CLIP1: variants seen among roughly 807,000 people sequenced by gnomAD.
CLIP1 encodes CAP-Gly domain containing linker protein 1.
A neutral mutation model predicts 161.6 loss-of-function variants in CLIP1; 66 were observed. The observed-to-expected ratio is 0.41, with a 90% CI of 0.33 to 0.50. CLIP1 has a LOEUF of 0.50. Ranked by LOEUF, CLIP1 falls within the 20% of genes least tolerant of loss-of-function variation. The probability of loss-of-function intolerance (pLI) is 0.27; values close to 1 mark genes in which losing one functional copy is unlikely to be tolerated. For synonymous variants in CLIP1, 598 were observed against 626.2 expected, an observed-to-expected ratio of 0.96 and a Z score of 0.67; for missense variants, 1,376 against 1,702.0, an observed-to-expected ratio of 0.81 and a Z score of 3.37.
At position 122,336,625 on chromosome 12, in the gene CLIP1, T is replaced by C. The variant is rs774294744; in HGVS notation, c.2568+7A>G. 1.0e-5 allele frequency: 15 copies of C among 1,436,876 alleles called. No individual in the cohort carries two copies. The South Asian group carries it at 1.7e-4, about 17-fold the overall frequency. 89.0% of individuals were successfully genotyped at this position (1,436,876 alleles called of 1,614,324 possible). A position where few individuals can be genotyped will look rare whatever the true frequency, so the allele number is the denominator to read the frequency against. On this transcript the variant is annotated splice_region_variant and intron_variant, in intron 12 of 25. Transcript: ENST00000620786. ...CCCTGAGATTCAGATTCCCAACAGG[T>C]ACTTACCAAAATCTGAAGTTCTTTT...
In CLIP1 at chr12:122,333,933, G is replaced by C. The variant is rs139689179; in HGVS notation, c.2710+94C>G. 3.7e-3 allele frequency: 2,822 copies of C among 756,520 alleles called. 18 individuals are homozygous for C. The highest frequency in any genetic ancestry group is 5.7e-3 in the Non-Finnish European group (2,474 of 431,464). 46.9% of individuals were successfully genotyped at this position (756,520 alleles called of 1,614,324 possible). On this transcript the variant is annotated intron_variant, in intron 14 of 25. Coordinates refer to ENST00000620786, the MANE Select transcript of CLIP1 (RefSeq NM_001247997.2). Reference sequence around the variant, plus strand: ...CATGATGAGTGAAGAGGCTATGCCTGAATAGTACATTTGTTATGTAACATA... The same window carrying C: ...CATGATGAGTGAAGAGGCTATGCCTCAATAGTACATTTGTTATGTAACATA...
In CLIP1 at chr12:122,339,482, C is replaced by A. The variant is rs1009907413; in HGVS notation, c.2451+1271G>T. On this transcript the variant is annotated intron_variant, in intron 11 of 25. Transcript: ENST00000620786. The stretch of plus-strand genomic sequence containing the variant: ...CCTCCTGAGTAGCTGGGACTACAGA[C>A]GCACACCACCACACCTGGCTAATTT... Among the ~76,000 whole-genome samples, 3 of 152,104 alleles carry A rather than the reference C, an allele frequency of 2.0e-5. No individual in the cohort carries two copies. The East Asian group carries it at 5.8e-4, about 30-fold the overall frequency.
intron 21 of CLIP1, among the ~76,000 whole-genome samples, chr12:122,283,190 A>G (rs1955714814): frequency 6.6e-6 from 1 of 152,162 alleles, no homozygotes; most frequent in South Asian, 2.1e-4. Context: ...GCACAGATGA[A>G]CAAACTCCCC....
Position 122,319,284 on chromosome 12 carries a change from G to A in CLIP1, c.3314C>T (p.Thr1105Ile). 4 of 1,614,146 alleles carry A rather than the reference G, an allele frequency of 2.5e-6. No homozygotes were observed. The highest frequency in any genetic ancestry group is 3.4e-6 in the Non-Finnish European group (4 of 1,179,950). Residue 1105 changes from threonine (T) to isoleucine (I), a missense_variant, in exon 18 of 26, where the codon ACT (threonine) becomes ATT (isoleucine). Thr to Ile is a moderately conservative substitution (Grantham distance 89). This residue lies in a region of CLIP1 where 948 missense variants were observed against 1,134.8 expected (regional missense o/e 0.84). Transcript: ENST00000620786. ...MEQMTKEKTETLASLEDTKQT... is the reference protein window; with the variant it reads ...MEQMTKEKTEILASLEDTKQT... ...CTTGGTGTCCTCCAAGGAGGCCAGA[G>A]TCTCAGTCTTCTCTTTGGTCATCTG...
intron 21 of CLIP1, among the ~76,000 whole-genome samples, chr12:122,287,054 C>G (rs527364954): frequency 6.6e-6 from 1 of 152,000 alleles, no homozygotes. Flanking sequence ...TGCCTGTAGT[C>G]CCAGCCACTT....
intron 1 of CLIP1, among the ~76,000 whole-genome samples, chr12:122,387,590 A>ATTTTTTTTT (rs139790813): frequency 2.7e-3 from 17 of 6,254 alleles, no homozygotes; most frequent in South Asian, 0.014. Flanking sequence ...ATATATATAT[A>ATTTTTTTTT]TTTTTTTTTT....
At chr12:122,414,867 TA>T (rs1956674382) in intron 1 of CLIP1, among the ~76,000 whole-genome samples, 1 of 151,960 alleles carries the variant, frequency 6.6e-6, no homozygotes, top group African/African-American at 2.4e-5. Context: ...GTTCCGCCTA[TA>T]TGGGAAACAC....
intron 1 of CLIP1, among the ~76,000 whole-genome samples, chr12:122,382,322 T>C (rs183144108): frequency 1.3e-4 from 20 of 151,444 alleles, no homozygotes; most frequent in South Asian, 8.4e-4. Flanking sequence ...GGTTGTGCCA[T>C]TGCACTCCCG....
At chr12:122,348,581 G>A (rs1357763373) in intron 9 of CLIP1, among the ~76,000 whole-genome samples, 4 of 152,128 alleles carry the variant, frequency 2.6e-5, no homozygotes, top group African/African-American at 9.7e-5. Context: ...TCTCTAACAG[G>A]TTTAAGTGCA....
At chr12:122,330,608 T>TTTGTTTTTTTTTTTTTTTTTTG (rs1566125497) in intron 15 of CLIP1, among the ~76,000 whole-genome samples, 1 of 142,054 alleles carries the variant, frequency 7.0e-6, no homozygotes, top group African/African-American at 2.7e-5. Context: ...TTTTTTTTTT[T>TTTGTTTTTTTTTTTTTTTTTTG]TTTTTTTTTG....
intron 1 of CLIP1, among the ~76,000 whole-genome samples, chr12:122,387,565 TATATATATATATATATATATATATA>T (rs1296696336): frequency 0.086 from 929 of 10,782 alleles, 37 homozygotes; most frequent in South Asian, 0.26. Flanking sequence ...TATATATATA[TATATATATATATATATATATATATA>T]TTTTTTTTTT....
intron 1 of CLIP1, among the ~76,000 whole-genome samples, chr12:122,392,096 C>A (rs1036387340): frequency 7.2e-5 from 11 of 152,076 alleles, no homozygotes; most frequent in African/African-American, 2.7e-4. Flanking sequence ...CACAGTGAGA[C>A]CCCCATCTCT....
rs1435155814 is a variant in CLIP1, at chr12:122,422,558, T to TGCA, written c.-147_-145dup. On this transcript the variant is annotated 5_prime_UTR_variant, in exon 1 of 26. Transcript: ENST00000620786. ...CGCCGGTCGCCGCCACCTGTCCCAC[T>TGCA]GCAGCAGCAGCAGCCGCCGCGGCCG... 4.0e-4 allele frequency: 59 copies of TGCA among 149,096 alleles called. No individual in the cohort carries two copies. The highest frequency in any genetic ancestry group is 3.7e-3 in the Middle Eastern group (1 of 272). The allele number at this position is 149,096 out of a possible 1,614,324, so 9.2% of individuals were successfully genotyped here. A position where few individuals can be genotyped will look rare whatever the true frequency, so the allele number is the denominator to read the frequency against.
At chr12:122,369,981 G>T (rs1304842847) in intron 3 of CLIP1, among the ~76,000 whole-genome samples, 5 of 151,748 alleles carry the variant, frequency 3.3e-5, no homozygotes, top group African/African-American at 4.8e-5. Context: ...TGGGCAACAT[G>T]GCGAAACCCT....
chr12:122,416,193 C>T (rs1391215070), intron 1 of CLIP1, among the ~76,000 whole-genome samples: 9 of 152,066 alleles, frequency 5.9e-5, no homozygotes, highest in Non-Finnish European at 1.3e-4. Context: ...GCCAAGATAG[C>T]GCCACTGCTC....
rs561978214 is a variant in CLIP1, at chr12:122,361,812, C to T, written c.783-631G>A. Among the ~76,000 whole-genome samples, 9 of 152,230 alleles carry T rather than the reference C, an allele frequency of 5.9e-5. 1 individual carries two copies. The East Asian group carries it at 1.5e-3, about 26-fold the overall frequency. The stretch of plus-strand genomic sequence containing the variant: ...CACCACTGTAGTCCAGCCTGGGTGA[C>T]GGGGTGGACTCTGTCTCAAAACAAA... On this transcript the variant is annotated intron_variant, in intron 4 of 25. Transcript: ENST00000620786.
At chr12:122,384,855 A>G (rs1342957716) in intron 1 of CLIP1, among the ~76,000 whole-genome samples, 1 of 151,488 alleles carries the variant, frequency 6.6e-6, no homozygotes, top group African/African-American at 2.4e-5. Context: ...GCACAGGCAC[A>G]AAGAAGATAC....
intron 14 of CLIP1, 103 bp downstream of exon 14, chr12:122,333,924 G>A (rs925753255): frequency 1.6e-5 from 11 of 699,924 alleles, no homozygotes; most frequent in East Asian, 2.7e-5. Flanking sequence ...GAGTGAAGAG[G>A]CTATGCCTGA....
intron 1 of CLIP1, among the ~76,000 whole-genome samples, chr12:122,402,252 C>G (rs1956169896): frequency 1.3e-5 from 2 of 152,058 alleles, no homozygotes; most frequent in African/African-American, 4.8e-5. Context: ...CTCATGCCTG[C>G]CCAAGTGGAA....
Sources: gnomAD v4.1 joint callset for allele counts (sites outside exome capture counted in the v4.1 genomes callset) on GRCh38, gnomAD v4.1.1 for gene constraint, gnomAD v4.1.1 regional missense constraint, MANE v1.5 for transcripts, NCBI Gene and HGNC (gene_info 2026-07-23, HGNC 2026-07-21) for gene names.